The following DUSP2 variants were observed in gnomAD, a reference collection of about 807,000 sequenced individuals.
DUSP2 encodes the protein dual specificity protein phosphatase 2.
Under a neutral mutation model 23.3 loss-of-function variants are expected in DUSP2, and 20 were observed. That is an observed-to-expected ratio of 0.86 (90% confidence interval 0.60 to 1.25). The LOEUF is 1.25. Ranked by LOEUF, DUSP2 falls within the 50% of genes most tolerant of loss-of-function variation. DUSP2 has a pLI of 0.00. For missense variants in DUSP2, 435 were observed against 452.6 expected (o/e 0.96, Z 0.35); for synonymous variants, 231 against 209.7 (o/e 1.10, Z -0.88).
At chr2:96,144,941 G>A in intron 1 of DUSP2, 26 bp downstream of exon 1, 1 of 1,547,948 alleles carries the variant, frequency 6.5e-7, no homozygotes. Flanking sequence ...CGGGTGGGGC[G>A]GGCCAAGGGC....
rs773604439 is a variant in DUSP2 at position 96,144,167 on chromosome 2, G to A, written c.717C>T (p.Ala239=). Reference sequence around the variant, plus strand: ...GTGCCCCCTTACCAATGAAGCCTATGGCCTCCTGGAACCAGGCACTGATCT... The same window carrying A: ...GTGCCCCCTTACCAATGAAGCCTATAGCCTCCTGGAACCAGGCACTGATCT... ...MVEISAWFQE[A]IGFIDWVKNS... Residue 239 remains alanine (A), a synonymous_variant, in exon 3 of 4, where the codon GCC becomes GCT. Transcript: ENST00000288943. 3.1e-6 allele frequency: 5 copies of A among 1,614,074 alleles called. No individual in the cohort carries two copies. The South Asian group carries it at 3.3e-5, about 11-fold the overall frequency.
chr2:96,145,335 C>G lies in DUSP2; in HGVS notation c.20G>C (p.Arg7Pro). The change falls in exon 1 of 4, where the codon CGC (arginine) becomes CCC (proline). Residue 7 changes from arginine to proline, a missense_variant. By Grantham distance (103) the Arg-to-Pro change is moderately radical (BLOSUM62 -2). Coordinates refer to ENST00000288943, the MANE Select transcript of DUSP2 (RefSeq NM_004418.4). ...GCCCAGCGCCGCGCACTCCAGCTCG[C>G]GCGCCGCCTCCAGCCCCATGGCCAC... MGLEAA[R>P]ELECAALGTL... 7.0e-7 allele frequency: 1 copy of G among 1,425,724 alleles called. No homozygotes were observed. Among genetic ancestry groups the G allele is most frequent in the Non-Finnish European group, 9.2e-7 (1 of 1,092,612 alleles). The allele number at this position is 1,425,724 out of a possible 1,614,324, so 88.3% of individuals were successfully genotyped here.
Position 96,145,160 on chromosome 2 carries a change from G to A in DUSP2, c.195C>T (p.Ala65=), listed in dbSNP as rs990146329. Reference sequence around the variant, plus strand: ...GGTCGGGCAGCAGGCAGGCGAGAACGGCGGCAGGAGGGCCGCGCGCGCGGC... The same window carrying A: ...GGTCGGGCAGCAGGCAGGCGAGAACAGCGGCAGGAGGGCCGCGCGCGCGGC... ...LRRRARGPPA[A]VLACLLPDRA... is the part of the protein sequence containing the mutation. The change falls in exon 1 of 4, where the codon GCC becomes GCT. Residue 65 remains alanine (A), a synonymous_variant. Coordinates refer to ENST00000288943, the MANE Select transcript of DUSP2 (RefSeq NM_004418.4). 12 of 1,307,742 alleles carry A rather than the reference G, an allele frequency of 9.2e-6. No homozygotes were observed. Among genetic ancestry groups the A allele is most frequent in the African/African-American group, 3.1e-5 (2 of 64,266 alleles). The allele number at this position is 1,307,742 out of a possible 1,614,324, so 81.0% of individuals were successfully genotyped here. A position where few individuals can be genotyped will look rare whatever the true frequency, so the allele number is the denominator to read the frequency against.
At chr2:96,144,651 G>C in intron 2 of DUSP2, 110 bp downstream of exon 2, 7 of 1,042,344 alleles carry the variant, frequency 6.7e-6, no homozygotes, top group Non-Finnish European at 9.6e-6. Context: ...ATAAAAGTGT[G>C]TGTATATGGG....
In DUSP2 at chr2:96,144,022, C is replaced by T. The variant is rs1682452967; in HGVS notation, c.746G>A (p.Ser249Asn). The T allele has an allele frequency of 6.2e-7, 1 of 1,613,784 alleles. No individual in the cohort carries two copies. The highest frequency in any genetic ancestry group is 8.5e-7 in the Non-Finnish European group (1 of 1,180,012). The stretch of plus-strand genomic sequence containing the variant: ...GCAGTGCACCAGCACCCGGCCTCCG[C>T]TGTTCTTCACCCAGTCTGCAAGGGA... The part of the protein sequence containing the change: ...AIGFIDWVKN[S>N]GGRVLVHCQA... Residue 249 changes from serine to asparagine, a missense_variant, in exon 4 of 4, where the codon AGC becomes AAC. Ser to Asn is a conservative substitution (Grantham distance 46). Coordinates refer to ENST00000288943, the MANE Select transcript of DUSP2 (RefSeq NM_004418.4).
rs138796808 is a variant in DUSP2, at chr2:96,143,942, G to A, written c.826C>T (p.Arg276Cys). The stretch of plus-strand genomic sequence containing the variant: ...AAGGCCTCGTCCAGCCGCACACGGC[G>A]ACTCTGCATGAGGTATGCCAGACAG... ...TICLAYLMQS[R>C]RVRLDEAFDF... The change falls in exon 4 of 4, where the codon CGC becomes TGC. Residue 276 changes from arginine to cysteine, a missense_variant. Arg to Cys is a radical substitution (Grantham distance 180). Coordinates refer to ENST00000288943, the MANE Select transcript of DUSP2 (RefSeq NM_004418.4). 54 of 1,613,658 alleles carry A rather than the reference G, an allele frequency of 3.3e-5. No individual in the cohort carries two copies. The highest frequency in any genetic ancestry group is 8.0e-5 in the African/African-American group (6 of 74,938).
Position 96,145,070 on chromosome 2 carries a change from A to G in DUSP2, c.285T>C (p.Ser95=). The G allele has an allele frequency of 6.6e-7, 1 of 1,519,590 alleles. No individual in the cohort carries two copies. The highest frequency in any genetic ancestry group is 8.8e-7 in the Non-Finnish European group (1 of 1,139,786). 94.1% of individuals were successfully genotyped at this position (1,519,590 alleles called of 1,614,324 possible). The change falls in exon 1 of 4, where the codon AGT becomes AGC. Residue 95 remains serine, a synonymous_variant. Transcript: ENST00000288943. ...LARAVVLDEG[S]ASVAELRPDS... is the part of the protein sequence containing the mutation. ...CGGGCCGGAGCTCCGCCACCGAGGC[A>G]CTGCCCTCGTCCAGCACCACGGCCC...
intron 2 of DUSP2, 137 bp from the exon 3 acceptor site, chr2:96,144,510 G>T: frequency 2.4e-6 from 2 of 846,768 alleles, no homozygotes; most frequent in South Asian, 3.5e-5. Flanking sequence ...ACAGGTCTCA[G>T]GAATGTGCGG....
Position 96,143,736 on chromosome 2 carries a change from G to C in DUSP2, c.*87C>G. 2.0e-6 allele frequency: 3 copies of C among 1,496,722 alleles called. No homozygotes were observed. The highest frequency in any genetic ancestry group is 2.7e-6 in the Non-Finnish European group (3 of 1,099,334). 92.7% of individuals were successfully genotyped at this position (1,496,722 alleles called of 1,614,324 possible). A position where few individuals can be genotyped will look rare whatever the true frequency, so the allele number is the denominator to read the frequency against. The stretch of plus-strand genomic sequence containing the variant: ...AGGTAGCAGCCCTGCCAGAGGTGAG[G>C]GGACTGTGCTGGCCCAGAGGGGAGC... On this transcript the variant is annotated 3_prime_UTR_variant, in exon 4 of 4. Coordinates refer to ENST00000288943, the MANE Select transcript of DUSP2 (RefSeq NM_004418.4).
At position 96,145,372 on chromosome 2, in the gene DUSP2, C is replaced by T. The variant is rs1247374534; in HGVS notation, c.-18G>A. ...AGCCCCATGGCCACCGGTGCCTCTT[C>T]CTCTTCCTTTCGGTCTTTCCCGCGT... On this transcript the variant is annotated 5_prime_UTR_variant, in exon 1 of 4. Transcript: ENST00000288943. The T allele has an allele frequency of 7.2e-7, 1 of 1,385,092 alleles. No individual in the cohort carries two copies. Among genetic ancestry groups the T allele is most frequent in the Non-Finnish European group, 9.3e-7 (1 of 1,070,926 alleles). The allele number at this position is 1,385,092 out of a possible 1,614,324, so 85.8% of individuals were successfully genotyped here. A position where few individuals can be genotyped will look rare whatever the true frequency, so the allele number is the denominator to read the frequency against.
rs184429608 is a variant in DUSP2, at chr2:96,143,949, C to T, written c.819G>A (p.Met273Ile). ...CGTCCAGCCGCACACGGCGACTCTG[C>T]ATGAGGTATGCCAGACAGATGGTGG... ...RSATICLAYL[M>I]QSRRVRLDEA... The change falls in exon 4 of 4, where the codon ATG becomes ATA. Residue 273 changes from methionine to isoleucine, a missense_variant. By Grantham distance (10) the Met-to-Ile change is conservative. Coordinates refer to ENST00000288943, the MANE Select transcript of DUSP2 (RefSeq NM_004418.4). The T allele has an allele frequency of 6.2e-7, 1 of 1,613,844 alleles. No homozygotes were observed. The highest frequency in any genetic ancestry group is 1.3e-5 in the African/African-American group (1 of 75,076).
intron 2 of DUSP2, 65 bp from the exon 3 acceptor site, chr2:96,144,438 G>C: frequency 1.3e-6 from 2 of 1,535,338 alleles, no homozygotes; most frequent in African/African-American, 2.7e-5. Flanking sequence ...AGCAGCAGCG[G>C]GTGGAGACCC....
intron 2 of DUSP2, 23 bp downstream of exon 2, chr2:96,144,738 G>T: frequency 6.5e-7 from 1 of 1,529,406 alleles, no homozygotes; most frequent in Non-Finnish European, 8.8e-7. Context: ...AGGGAGGTTC[G>T]GGGGAGGGGG....
rs1446877561 is a variant in DUSP2 at position 96,144,749 on chromosome 2, G to T, written c.510+12C>A. 5.8e-6 allele frequency: 9 copies of T among 1,564,862 alleles called. No homozygotes were observed. Among genetic ancestry groups the T allele is most frequent in the Non-Finnish European group, 7.8e-6 (9 of 1,155,774 alleles). ...AGAGAGGGAGGTTCGGGGGAGGGGG[G>T]TCAATACTCACCTGGTCGTAGACAG... On this transcript the variant is annotated intron_variant, in intron 2 of 3. Coordinates refer to ENST00000288943, the MANE Select transcript of DUSP2 (RefSeq NM_004418.4).
Position 96,143,889 on chromosome 2 carries a change from G to A in DUSP2, c.879C>T (p.Val293=). 6.2e-7 allele frequency: 1 copy of A among 1,613,654 alleles called. No homozygotes were observed. The highest frequency in any genetic ancestry group is 2.2e-5 in the East Asian group (1 of 44,872). The change falls in exon 4 of 4, where the codon GTC becomes GTT. Residue 293 remains valine (V), a synonymous_variant. Coordinates refer to ENST00000288943, the MANE Select transcript of DUSP2 (RefSeq NM_004418.4). ...CCATGAAACTGAAGTTGGGGGAGAT[G>A]ACCCCCCGGCGCTGCTTAACGAAGT... ...AFDFVKQRRG[V]ISPNFSFMGQ...
Position 96,144,755 on chromosome 2 carries a change from A to T in DUSP2, c.510+6T>A. 1 of 1,579,848 alleles carries T rather than the reference A, an allele frequency of 6.3e-7. No homozygotes were observed. On this transcript the variant is annotated splice_donor_region_variant and intron_variant, in intron 2 of 3. Coordinates refer to ENST00000288943, the MANE Select transcript of DUSP2 (RefSeq NM_004418.4). ...GGAGGTTCGGGGGAGGGGGGTCAAT[A>T]CTCACCTGGTCGTAGACAGGAGCCC...
At chr2:96,144,577 A>G (rs537645061) in intron 2 of DUSP2, 184 bp downstream of exon 2, 16 of 721,080 alleles carry the variant, frequency 2.2e-5, no homozygotes, top group Non-Finnish European at 2.9e-5. Flanking sequence ...ATGCAAACAT[A>G]CACAGACCCA....
At chr2:96,144,717 G>A (rs773621641) in intron 2 of DUSP2, 44 bp downstream of exon 2, 2 of 1,490,124 alleles carry the variant, frequency 1.3e-6, no homozygotes, top group South Asian at 2.6e-5. Flanking sequence ...CCCAGTCCGC[G>A]GCGGGGAGAG....
In DUSP2 at chr2:96,145,178, C is replaced by T; in HGVS notation, c.177G>A (p.Ala59=). The change falls in exon 1 of 4, where the codon GCG becomes GCA. Residue 59 remains alanine, a synonymous_variant. Coordinates refer to ENST00000288943, the MANE Select transcript of DUSP2 (RefSeq NM_004418.4). The part of the protein sequence containing the change: ...VPWNALLRRR[A]RGPPAAVLAC... ...CGAGAACGGCGGCAGGAGGGCCGCG[C>T]GCGCGGCGCCGCAGCAGCGCGTTCC... 1 of 1,289,144 alleles carries T rather than the reference C, an allele frequency of 7.8e-7. No individual in the cohort carries two copies. 79.9% of individuals were successfully genotyped at this position (1,289,144 alleles called of 1,614,324 possible).
Sources: allele counts gnomAD v4.1 joint callset, GRCh38; gene constraint gnomAD v4.1.1; transcripts MANE v1.5; gene names NCBI Gene and HGNC (gene_info 2026-07-23, HGNC 2026-07-21).